PCDHGB5: variants seen among roughly 807,000 people sequenced by gnomAD.
The protein encoded by PCDHGB5 is protocadherin gamma subfamily B, 5.
In PCDHGB5, 48 loss-of-function variants were observed where a neutral mutation model predicts 62.9. That is an observed-to-expected ratio of 0.76 (90% CI 0.61 to 0.97). The LOEUF is 0.97. PCDHGB5 is among the 50% of genes least tolerant of loss of function. The probability of loss-of-function intolerance (pLI) is 0.00; values close to 1 mark genes in which losing one functional copy is unlikely to be tolerated. For missense variants in PCDHGB5, 1,118 were observed against 1,198.6 expected (o/e 0.93, Z 0.99); for synonymous variants, 474 against 511.2 (o/e 0.93, Z 0.98).
chr5:141,490,257 T>C lies in PCDHGB5; in HGVS notation c.2398-4550T>C, dbSNP rs2099697852. On this transcript the variant is annotated intron_variant, in intron 1 of 3. Coordinates refer to ENST00000617380, the MANE Select transcript of PCDHGB5 (RefSeq NM_018925.3). The surrounding 1 kb of genome is among the most constrained non-coding windows in gnomAD (Gnocchi z 5.4). ...AGGGCCACTGTGTGATTCAAGTGGATGTGGGGGATGTCAATGACAATGCCC... is the reference window on the plus strand; with the variant it reads ...AGGGCCACTGTGTGATTCAAGTGGACGTGGGGGATGTCAATGACAATGCCC... The C allele has an allele frequency of 6.2e-7, 1 of 1,614,208 alleles. No individual in the cohort carries two copies. Among genetic ancestry groups the C allele is most frequent in the South Asian group, 1.1e-5 (1 of 91,078 alleles).
At chr5:141,433,034 C>G (rs1357694242) in intron 1 of PCDHGB5, 2 of 1,614,184 alleles carry the variant, frequency 1.2e-6, no homozygotes, top group Non-Finnish European at 1.7e-6. Flanking sequence ...CGAGGTTTCC[C>G]TCACCACGGA....
chr5:141,506,444 CAAAAAAAAAAAAA>C (rs1219684339), intron 3 of PCDHGB5, among the ~76,000 whole-genome samples: 1 of 95,030 alleles, frequency 1.1e-5, no homozygotes, highest in Non-Finnish European at 2.2e-5. Context: ...CGCTCTGTCT[CAAAAAAAAAAAAA>C]AAAAAAAAGA....
chr5:141,485,431 C>G lies in PCDHGB5; in HGVS notation c.2398-9376C>G, dbSNP rs1594481071. ...ATTTGGACAGCGGAGCCCTGCTCAT[C>G]AAGAACCCAATCGACCGAGAGGCAC... On this transcript the variant is annotated intron_variant, in intron 1 of 3. Coordinates refer to ENST00000617380, the MANE Select transcript of PCDHGB5 (RefSeq NM_018925.3). The surrounding 1 kb of genome is among the most constrained non-coding windows in gnomAD (Gnocchi z 5.7). 8.7e-6 allele frequency: 14 copies of G among 1,614,198 alleles called. No homozygotes were observed. Among genetic ancestry groups the G allele is most frequent in the Non-Finnish European group, 1.1e-5 (13 of 1,180,038 alleles).
At position 141,511,032 on chromosome 5, in the gene PCDHGB5, G is replaced by T. The variant is rs779589499; in HGVS notation, c.2631G>T (p.Gln877His). 6.2e-7 allele frequency: 1 copy of T among 1,614,228 alleles called. No individual in the cohort carries two copies. Among genetic ancestry groups the T allele is most frequent in the South Asian group, 1.1e-5 (1 of 91,090 alleles). ...GCTACGGACCCCAGTTCACCCTGCAGCACGTGCCCGACTACCGCCAGAATG... is the reference window on the plus strand; with the variant it reads ...GCTACGGACCCCAGTTCACCCTGCATCACGTGCCCGACTACCGCCAGAATG... ...SARYGPQFTLQHVPDYRQNVY... is the reference protein window; with the variant it reads ...SARYGPQFTLHHVPDYRQNVY... Residue 877 changes from glutamine (Q) to histidine (H), a missense_variant, in exon 4 of 4, where the codon CAG (glutamine) becomes CAT (histidine). Gln to His is a conservative substitution (Grantham distance 24, BLOSUM62 0). Coordinates refer to ENST00000617380, the MANE Select transcript of PCDHGB5 (RefSeq NM_018925.3).
chr5:141,459,076 C>T (rs1474375780), intron 1 of PCDHGB5, among the ~76,000 whole-genome samples: 1 of 152,144 alleles, frequency 6.6e-6, no homozygotes, highest in Non-Finnish European at 1.5e-5. Context: ...ATAAAATTTG[C>T]CTTTTAAAAT....
intron 1 of PCDHGB5, chr5:141,475,850 G>C (rs2099376325): frequency 8.6e-6 from 4 of 464,524 alleles, no homozygotes; most frequent in Non-Finnish European, 1.5e-5. Flanking sequence ...AGAGAGCCCG[G>C]CGCTAGCTCA....
rs1160642304 is a variant in PCDHGB5 at position 141,415,415 on chromosome 5, T to C, written c.2397+14891T>C. 7 of 1,614,084 alleles carry C rather than the reference T, an allele frequency of 4.3e-6. No individual in the cohort carries two copies. In the Admixed American group the frequency reaches 8.3e-5, roughly 19 times the overall value. Reference sequence around the variant, plus strand: ...GTGTCCGGCTCGCACTTTGTGGGCGTGGACGGGGTTCGGGCTTTCCTGCAG... The same window carrying C: ...GTGTCCGGCTCGCACTTTGTGGGCGCGGACGGGGTTCGGGCTTTCCTGCAG... On this transcript the variant is annotated intron_variant, in intron 1 of 3. Coordinates refer to ENST00000617380, the MANE Select transcript of PCDHGB5 (RefSeq NM_018925.3).
chr5:141,466,486 T>C (rs1005010773), intron 1 of PCDHGB5, among the ~76,000 whole-genome samples: 1 of 152,240 alleles, frequency 6.6e-6, no homozygotes, highest in Non-Finnish European at 1.5e-5. Flanking sequence ...GTAGGTCTTC[T>C]TTAATTAGAG....
chr5:141,446,797 A>G lies in PCDHGB5; in HGVS notation c.2397+46273A>G, dbSNP rs559881142. ...CCATTCTTTTACTCTGAGTTCTTCC[A>G]TTGTGATCATCTAGTCAGATGGGTA... is the stretch of plus-strand genomic sequence containing the variant. On this transcript the variant is annotated intron_variant, in intron 1 of 3. Coordinates refer to ENST00000617380, the MANE Select transcript of PCDHGB5 (RefSeq NM_018925.3). Among the ~76,000 whole-genome samples, 48 of 152,224 alleles carry G rather than the reference A, an allele frequency of 3.2e-4. No individual in the cohort carries two copies. In the South Asian group the frequency reaches 7.3e-3, roughly 23 times the overall value.
intron 1 of PCDHGB5, among the ~76,000 whole-genome samples, chr5:141,401,503 C>T (rs755118621): frequency 6.6e-6 from 1 of 151,946 alleles, no homozygotes; most frequent in Non-Finnish European, 1.5e-5. Context: ...AATCCTTTTC[C>T]ACCTCTATAT....
At position 141,485,142 on chromosome 5, in the gene PCDHGB5, A is replaced by C. The variant is rs979255582; in HGVS notation, c.2398-9665A>C. 5 of 1,554,566 alleles carry C rather than the reference A, an allele frequency of 3.2e-6. No homozygotes were observed. The highest frequency in any genetic ancestry group is 3.5e-6 in the Non-Finnish European group (4 of 1,131,592). On this transcript the variant is annotated intron_variant, in intron 1 of 3. Transcript: ENST00000617380. The surrounding 1 kb of genome is among the most constrained non-coding windows in gnomAD (Gnocchi z 5.7). ...GGCGGGTCGGCTTCATCCGCGTCTC[A>C]GGAGCAAGTAGAGAATTAGCGGGCG... is the stretch of plus-strand genomic sequence containing the variant.
chr5:141,402,563 T>C (rs2094279860), intron 1 of PCDHGB5, among the ~76,000 whole-genome samples: 1 of 152,232 alleles, frequency 6.6e-6, no homozygotes, highest in African/African-American at 2.4e-5. Flanking sequence ...TTCCACTTTA[T>C]TTACAACTCA....
chr5:141,408,570 T>C (rs1184307323), intron 1 of PCDHGB5: 5 of 1,613,966 alleles, frequency 3.1e-6, no homozygotes, highest in East Asian at 2.2e-5. Context: ...ATTGTGGTGA[T>C]TGAGGATGTT....
chr5:141,419,137 CA>C (rs1561778370), intron 1 of PCDHGB5: 1 of 1,613,892 alleles, frequency 6.2e-7, no homozygotes, highest in African/African-American at 1.3e-5. Flanking sequence ...CAGCCACAGA[CA>C]GGGGCAAGCC....
At chr5:141,478,332 G>A (rs773442842) in intron 1 of PCDHGB5, 1 of 1,613,924 alleles carries the variant, frequency 6.2e-7, no homozygotes, top group Non-Finnish European at 8.5e-7. Context: ...CGAACACCAG[G>A]GCCCTCCTTG....
rs1049831420 is a variant in PCDHGB5 at position 141,486,549 on chromosome 5, C to T, written c.2398-8258C>T. ...AATCCACCCTCTTTCTTTCAGAGGTCACATGAGGTGTTTGTTCCTGAGAAC... is the reference window on the plus strand; with the variant it reads ...AATCCACCCTCTTTCTTTCAGAGGTTACATGAGGTGTTTGTTCCTGAGAAC... On this transcript the variant is annotated intron_variant, in intron 1 of 3. Coordinates refer to ENST00000617380, the MANE Select transcript of PCDHGB5 (RefSeq NM_018925.3). This position sits in a 1 kb window ranked among gnomAD's most constrained non-coding sequence, Gnocchi z 5.0. The T allele has an allele frequency of 3.1e-6, 5 of 1,613,982 alleles. No individual in the cohort carries two copies. In the African/African-American group the frequency reaches 4.0e-5, roughly 13 times the overall value.
At chr5:141,400,776 GT>G (rs1167512157) in intron 1 of PCDHGB5, 17 of 557,594 alleles carry the variant, frequency 3.0e-5, no homozygotes, top group East Asian at 1.8e-4. Flanking sequence ...CATTTGGTGC[GT>G]TTTTTTGTCC....
At chr5:141,403,776 G>A (rs1312851147) in intron 1 of PCDHGB5, 1 of 1,613,926 alleles carries the variant, frequency 6.2e-7, no homozygotes, top group East Asian at 2.2e-5. Flanking sequence ...GGAATCAACG[G>A]AAAAGTGGCA....
At chr5:141,404,410 A>G (rs1343740045) in intron 1 of PCDHGB5, 2 of 1,613,728 alleles carry the variant, frequency 1.2e-6, no homozygotes, top group Non-Finnish European at 1.7e-6. Context: ...AGAATTCTAG[A>G]GTTATTTACT....
Sources: allele counts gnomAD v4.1 joint callset (sites outside exome capture counted in the v4.1 genomes callset), GRCh38; gene constraint gnomAD v4.1.1; non-coding constraint Gnocchi (gnomAD v3.1); transcripts MANE v1.5; gene names NCBI Gene and HGNC (gene_info 2026-07-23, HGNC 2026-07-21).